The following ZNF385D variants were observed in gnomAD, a reference collection of about 807,000 sequenced individuals.
ZNF385D encodes the protein zinc finger protein 659.
Under a neutral mutation model 35.8 loss-of-function variants are expected in ZNF385D, and 15 were observed. The ratio of observed to expected loss-of-function variants is 0.42; its 90% confidence interval spans 0.28 to 0.64. The LOEUF (loss-of-function observed/expected upper bound fraction) is 0.64, where lower values mean the gene tolerates loss of function less well. Ranked by LOEUF, ZNF385D falls within the 30% of genes least tolerant of loss-of-function variation. The probability of loss-of-function intolerance (pLI) is 0.23; values close to 1 mark genes in which losing one functional copy is unlikely to be tolerated. For missense variants in ZNF385D, 474 were observed against 494.6 expected, an observed-to-expected ratio of 0.96 and a Z score of 0.39; for synonymous variants, 212 against 186.8, an observed-to-expected ratio of 1.13 and a Z score of -1.10.
At chr3:21,702,175 G>C (rs2067713208) in intron 1 of ZNF385D, among the ~76,000 whole-genome samples, 1 of 152,198 alleles carries the variant, frequency 6.6e-6, no homozygotes, top group Admixed American at 6.5e-5. Context: ...GCAAACTTTT[G>C]CCTGGGCATC....
At chr3:22,122,683 T>C (rs973931734) in intron 3 of ZNF385D, among the ~76,000 whole-genome samples, 2 of 152,032 alleles carry the variant, frequency 1.3e-5, no homozygotes, top group Admixed American at 6.6e-5. Context: ...AGAGAGTATA[T>C]ATATGGGGGA....
At chr3:21,430,360 A>G (rs908569265) in intron 5 of ZNF385D, among the ~76,000 whole-genome samples, 7 of 152,296 alleles carry the variant, frequency 4.6e-5, no homozygotes, top group Middle Eastern at 6.8e-3. Flanking sequence ...AGAAAACAAG[A>G]AGTCTAAAAC....
chr3:21,713,768 C>T (rs1260278283), intron 1 of ZNF385D, among the ~76,000 whole-genome samples: 1 of 152,154 alleles, frequency 6.6e-6, no homozygotes, highest in African/African-American at 2.4e-5. Context: ...ACCACCCAGT[C>T]CCACAGTCAG....
chr3:21,607,494 A>G (rs2064518369), intron 2 of ZNF385D, among the ~76,000 whole-genome samples: 1 of 152,184 alleles, frequency 6.6e-6, no homozygotes, highest in Non-Finnish European at 1.5e-5. Flanking sequence ...TATCATTATC[A>G]AGTTTATCCA....
intron 2 of ZNF385D, among the ~76,000 whole-genome samples, chr3:22,278,395 A>G (rs1045208114): frequency 6.6e-6 from 1 of 152,108 alleles, no homozygotes; most frequent in African/African-American, 2.4e-5. Flanking sequence ...GAGCCTCATG[A>G]AAGAGTTTGA....
At chr3:22,109,574 G>A (rs533047295) in intron 3 of ZNF385D, among the ~76,000 whole-genome samples, 1 of 152,298 alleles carries the variant, frequency 6.6e-6, no homozygotes, top group South Asian at 2.1e-4. Flanking sequence ...ATGAAGAAGT[G>A]AAGGTGAAGA....
chr3:22,087,044 G>A (rs1701082147), intron 3 of ZNF385D, among the ~76,000 whole-genome samples: 1 of 151,968 alleles, frequency 6.6e-6, no homozygotes, highest in Non-Finnish European at 1.5e-5. Context: ...TAACAAACCT[G>A]CACGCACATG....
At chr3:22,293,065 C>T (rs1336023849) in intron 2 of ZNF385D, among the ~76,000 whole-genome samples, 1 of 152,106 alleles carries the variant, frequency 6.6e-6, no homozygotes, top group Admixed American at 6.6e-5. Context: ...GAGGCTGTCT[C>T]ATGTGTATGC....
chr3:22,170,741 C>G (rs1694357717), intron 2 of ZNF385D, among the ~76,000 whole-genome samples: 1 of 152,014 alleles, frequency 6.6e-6, no homozygotes, highest in Non-Finnish European at 1.5e-5. Context: ...ATGTAAGTAT[C>G]TATCCAGGTT....
intron 3 of ZNF385D, among the ~76,000 whole-genome samples, chr3:21,887,701 A>C (rs1364426516): frequency 2.0e-5 from 3 of 152,140 alleles, no homozygotes; most frequent in Non-Finnish European, 2.9e-5. Context: ...CAGAAAAATT[A>C]TAAATTTAAA....
intron 2 of ZNF385D, among the ~76,000 whole-genome samples, chr3:22,277,486 A>G (rs1406763299): frequency 6.6e-6 from 1 of 152,128 alleles, no homozygotes; most frequent in Non-Finnish European, 1.5e-5. Context: ...AGCAGAAGAA[A>G]AAAGTACCAA....
At chr3:22,114,294 C>T (rs1188869257) in intron 3 of ZNF385D, among the ~76,000 whole-genome samples, 2 of 151,990 alleles carry the variant, frequency 1.3e-5, no homozygotes, top group African/African-American at 2.4e-5. Context: ...ATTCACATAA[C>T]ATTTGCATAT....
At chr3:21,770,866 T>G (rs1320656134) in intron 3 of ZNF385D, among the ~76,000 whole-genome samples, 1 of 152,034 alleles carries the variant, frequency 6.6e-6, no homozygotes. Flanking sequence ...TAGATTGGAT[T>G]AAGAAAATGT....
chr3:21,729,448 C>A (rs1000586881), intron 1 of ZNF385D, among the ~76,000 whole-genome samples: 1 of 152,016 alleles, frequency 6.6e-6, no homozygotes, highest in Non-Finnish European at 1.5e-5. Context: ...ATAAAACTGT[C>A]ATTTCTACAA....
At chr3:22,347,590 G>A (rs1695716866) in intron 2 of ZNF385D, among the ~76,000 whole-genome samples, 1 of 152,162 alleles carries the variant, frequency 6.6e-6, no homozygotes, top group South Asian at 2.1e-4. Flanking sequence ...ATCTGAGTTA[G>A]AAGCTAAATA....
At chr3:21,693,921 C>T (rs2125354384) in intron 1 of ZNF385D, among the ~76,000 whole-genome samples, 1 of 148,580 alleles carries the variant, frequency 6.7e-6, no homozygotes, top group Non-Finnish European at 1.5e-5. Flanking sequence ...CACTGTCACC[C>T]AGGCTGGAGT....
chr3:22,266,421 A>G (rs1450432128), intron 2 of ZNF385D, among the ~76,000 whole-genome samples: 1 of 151,930 alleles, frequency 6.6e-6, no homozygotes, highest in Non-Finnish European at 1.5e-5. Context: ...GCGGGTAAGA[A>G]GAGGTGTAGG....
chr3:21,576,590 T>A (rs1321935782), intron 2 of ZNF385D, among the ~76,000 whole-genome samples: 1 of 152,212 alleles, frequency 6.6e-6, no homozygotes, highest in Non-Finnish European at 1.5e-5. Flanking sequence ...AGTTAAGCCC[T>A]GGGCACAATT....
chr3:21,433,314 A>AT (rs1042447676), intron 5 of ZNF385D, among the ~76,000 whole-genome samples: 1 of 152,178 alleles, frequency 6.6e-6, no homozygotes, highest in Admixed American at 6.6e-5. Context: ...ATAGATGCAC[A>AT]TTTCTATACT....
Sources: gnomAD v4.1 joint callset for allele counts (sites outside exome capture counted in the v4.1 genomes callset) on GRCh38, gnomAD v4.1.1 for gene constraint, MANE v1.5 for transcripts, NCBI Gene and HGNC (gene_info 2026-07-23, HGNC 2026-07-21) for gene names.